PALLD: variants seen among roughly 807,000 people sequenced by gnomAD.
PALLD encodes palladin, cytoskeletal associated protein.
PALLD carries 61 observed loss-of-function variants against 123.5 expected under a neutral mutation model. The observed-to-expected ratio is 0.49, with a 90% CI of 0.40 to 0.61. PALLD has a LOEUF of 0.61. Ranked by LOEUF, PALLD falls within the 20% of genes least tolerant of loss-of-function variation. The probability of loss-of-function intolerance (pLI) is 0.00; values close to 1 mark genes in which losing one functional copy is unlikely to be tolerated. For missense variants in PALLD, 1,273 were observed against 1,377.0 expected (o/e 0.92, Z 1.20); for synonymous variants, 465 against 496.4 (o/e 0.94, Z 0.84).
At chr4:168,769,585 G>A (rs1734126550) in intron 10 of PALLD, among the ~76,000 whole-genome samples, 1 of 152,174 alleles carries the variant, frequency 6.6e-6, no homozygotes, top group South Asian at 2.1e-4. Context: ...TGGGTCCCAG[G>A]ACAGTTTCTG....
chr4:168,748,429 G>A (rs557075737), intron 10 of PALLD, among the ~76,000 whole-genome samples: 1 of 152,244 alleles, frequency 6.6e-6, no homozygotes, highest in South Asian at 2.1e-4. Context: ...TAATATAGGG[G>A]GTGAATATAT....
At chr4:168,499,590 C>A (rs892483355) in intron 1 of PALLD, among the ~76,000 whole-genome samples, 2 of 152,018 alleles carry the variant, frequency 1.3e-5, no homozygotes, top group Admixed American at 6.6e-5. Context: ...TCACTTATAA[C>A]TTTTTTTCAA....
intron 2 of PALLD, among the ~76,000 whole-genome samples, chr4:168,545,095 G>A (rs1355880220): frequency 6.6e-6 from 1 of 152,156 alleles, no homozygotes; most frequent in Admixed American, 6.6e-5. Context: ...TAATCCCGGA[G>A]CTCAGACTGA....
intron 1 of PALLD, among the ~76,000 whole-genome samples, chr4:168,510,285 G>T (rs1762414293): frequency 6.6e-6 from 1 of 152,178 alleles, no homozygotes; most frequent in South Asian, 2.1e-4. Context: ...TACAGATAAT[G>T]AAATACCTTT....
At chr4:168,880,502 G>T (rs1190059349) in intron 10 of PALLD, among the ~76,000 whole-genome samples, 1 of 152,180 alleles carries the variant, frequency 6.6e-6, no homozygotes, top group Non-Finnish European at 1.5e-5. Flanking sequence ...CATACTTGAA[G>T]AATTCATTAT....
At chr4:168,733,083 G>A (rs1787338961) in intron 10 of PALLD, among the ~76,000 whole-genome samples, 1 of 151,888 alleles carries the variant, frequency 6.6e-6, no homozygotes, top group Admixed American at 6.6e-5. Context: ...CATTTTGGGG[G>A]GTACATGTGA....
chr4:168,552,650 G>T (rs1194358344), intron 2 of PALLD, among the ~76,000 whole-genome samples: 2 of 151,906 alleles, frequency 1.3e-5, no homozygotes, highest in African/African-American at 4.8e-5. Context: ...TGGGTTTTTT[G>T]GGGGGTTTTC....
At chr4:168,753,899 A>G (rs575112084) in intron 10 of PALLD, among the ~76,000 whole-genome samples, 100 of 152,358 alleles carry the variant, frequency 6.6e-4, no homozygotes, top group African/African-American at 2.3e-3. Flanking sequence ...TTCTTGCCTC[A>G]GAGAAACCAT....
At chr4:168,832,260 G>A (rs1272004411) in intron 10 of PALLD, 24 of 891,644 alleles carry the variant, frequency 2.7e-5, no homozygotes, top group Non-Finnish European at 3.0e-5. Context: ...CGAGTCGGGA[G>A]TGCAGGGCTC....
At chr4:168,689,052 G>A (rs952138540) in intron 6 of PALLD, among the ~76,000 whole-genome samples, 14 of 152,240 alleles carry the variant, frequency 9.2e-5, no homozygotes, top group Admixed American at 4.6e-4. Context: ...TTAAAAATAC[G>A]GAAGAAGAAA....
At chr4:168,739,234 G>A (rs943450001) in intron 10 of PALLD, among the ~76,000 whole-genome samples, 5 of 152,176 alleles carry the variant, frequency 3.3e-5, no homozygotes, top group African/African-American at 9.7e-5. Flanking sequence ...ACATGGAGGC[G>A]CAAGTATCTC....
At chr4:168,802,296 T>C (rs1739456093) in intron 10 of PALLD, among the ~76,000 whole-genome samples, 1 of 152,204 alleles carries the variant, frequency 6.6e-6, no homozygotes, top group Non-Finnish European at 1.5e-5. Flanking sequence ...GGAAACTGCT[T>C]TTTGGCTCAC....
intron 21 of PALLD, 78 bp downstream of exon 21, chr4:168,925,356 C>T: frequency 9.1e-7 from 1 of 1,101,774 alleles, no homozygotes; most frequent in African/African-American, 1.5e-5. Context: ...GTTGTGGCTT[C>T]CTTACTCAAG....
intron 2 of PALLD, among the ~76,000 whole-genome samples, chr4:168,618,283 T>C (rs994687862): frequency 2.6e-5 from 4 of 152,186 alleles, no homozygotes; most frequent in African/African-American, 9.6e-5. Flanking sequence ...AATCATATAA[T>C]TTGGAATTTA....
At position 168,822,793 on chromosome 4, in the gene PALLD, G is replaced by A. The variant is rs76325339; in HGVS notation, c.1965-68129G>A. 7.5e-3 allele frequency among the ~76,000 whole-genome samples: 1,143 copies of A among 152,230 alleles called. 48 individuals carry two copies. The East Asian group carries it at 0.14, about 18-fold the overall frequency. On this transcript the variant is annotated intron_variant, in intron 10 of 21. Coordinates refer to ENST00000505667, the MANE Select transcript of PALLD (RefSeq NM_001166108.2). ...GTCAACAGCTGATTTTTGTCTCCGCGCTTTGATTATGAAGAGCTTGAGAAT... is the reference window on the plus strand; with the variant it reads ...GTCAACAGCTGATTTTTGTCTCCGCACTTTGATTATGAAGAGCTTGAGAAT...
chr4:168,609,981 C>T (rs141174241), intron 2 of PALLD, among the ~76,000 whole-genome samples: 80 of 152,260 alleles, frequency 5.3e-4, no homozygotes, highest in Middle Eastern at 3.4e-3. Context: ...TTCCTACTTG[C>T]TAATTCATTT....
chr4:168,868,055 C>T (rs528675197), intron 10 of PALLD, among the ~76,000 whole-genome samples: 1 of 152,214 alleles, frequency 6.6e-6, no homozygotes, highest in Non-Finnish European at 1.5e-5. Context: ...TACTGGCTTC[C>T]TTTTTGTAGA....
intron 2 of PALLD, among the ~76,000 whole-genome samples, chr4:168,615,216 C>A (rs1394753969): frequency 6.6e-6 from 1 of 151,234 alleles, no homozygotes; most frequent in African/African-American, 2.4e-5. Flanking sequence ...ACAAAAGGTA[C>A]TAAGAATAGA....
chr4:168,675,036 A>G (rs766983574), intron 3 of PALLD, among the ~76,000 whole-genome samples: 5 of 152,242 alleles, frequency 3.3e-5, no homozygotes, highest in African/African-American at 7.2e-5. Flanking sequence ...AGAATTTCCT[A>G]TGTAAATAGG....
Sources: gnomAD v4.1 joint callset for allele counts (sites outside exome capture counted in the v4.1 genomes callset) on GRCh38, gnomAD v4.1.1 for gene constraint, MANE v1.5 for transcripts, NCBI Gene and HGNC (gene_info 2026-07-23, HGNC 2026-07-21) for gene names.